The following SPOCK1 variants were observed in gnomAD, a reference collection of about 807,000 sequenced individuals.
The protein encoded by SPOCK1 is SPARC (osteonectin), cwcv and kazal like domains proteoglycan 1.
Under a neutral mutation model 55.3 loss-of-function variants are expected in SPOCK1, and 23 were observed. That is an observed-to-expected ratio of 0.42 (90% CI 0.30 to 0.59). SPOCK1 has a LOEUF of 0.59. Ranked by LOEUF, SPOCK1 falls within the 20% of genes least tolerant of loss-of-function variation. The pLI is 0.22. For missense variants in SPOCK1, 499 were observed against 552.5 expected, an observed-to-expected ratio of 0.90 and a Z score of 0.97; for synonymous variants, 226 against 221.0, an observed-to-expected ratio of 1.02 and a Z score of -0.20.
At chr5:137,062,353 G>C (rs1202858931) in intron 6 of SPOCK1, among the ~76,000 whole-genome samples, 1 of 152,002 alleles carries the variant, frequency 6.6e-6, no homozygotes, top group Non-Finnish European at 1.5e-5. Flanking sequence ...GAATGGGGCT[G>C]CTATGCTCAG....
In SPOCK1 at chr5:137,413,804, C is replaced by A. The variant is rs148319122; in HGVS notation, c.186+84569G>T. ...TTTATCTCACATAATCAAGAAGTAC[C>A]AAACTGTTCATAATGAGCCCCTACC... On this transcript the variant is annotated intron_variant, in intron 2 of 10. Transcript: ENST00000394945. 2.0e-4 allele frequency among the ~76,000 whole-genome samples: 31 copies of A among 152,264 alleles called. No homozygotes were observed. In the East Asian group the frequency reaches 5.6e-3, roughly 27 times the overall value.
intron 3 of SPOCK1, among the ~76,000 whole-genome samples, chr5:137,225,114 A>G (rs1755920913): frequency 6.6e-6 from 1 of 152,038 alleles, no homozygotes; most frequent in African/African-American, 2.4e-5. Flanking sequence ...CAAGAGCCGC[A>G]CACAGGAAAC....
intron 3 of SPOCK1, among the ~76,000 whole-genome samples, chr5:137,193,400 A>T (rs1755227771): frequency 6.6e-6 from 1 of 152,204 alleles, no homozygotes; most frequent in Non-Finnish European, 1.5e-5. Flanking sequence ...TTTGATGTCC[A>T]GTTTTCTAGC....
chr5:137,321,817 G>A (rs1757987015), intron 2 of SPOCK1, among the ~76,000 whole-genome samples: 1 of 152,056 alleles, frequency 6.6e-6, no homozygotes, highest in African/African-American at 2.4e-5. Context: ...GGCAGAGGTT[G>A]CAGTGAGCCA....
intron 2 of SPOCK1, among the ~76,000 whole-genome samples, chr5:137,282,683 T>C (rs1430881006): frequency 1.3e-5 from 2 of 152,210 alleles, no homozygotes; most frequent in Non-Finnish European, 2.9e-5. Flanking sequence ...CTCTCCAACA[T>C]CATTTGGGCC....
chr5:137,016,880 A>C (rs569803088), intron 6 of SPOCK1, among the ~76,000 whole-genome samples: 1 of 152,342 alleles, frequency 6.6e-6, no homozygotes, highest in African/African-American at 2.4e-5. Context: ...AAGAAGTGGA[A>C]CCTAGTGGGG....
At chr5:137,468,914 C>G (rs983598826) in intron 2 of SPOCK1, among the ~76,000 whole-genome samples, 1 of 152,162 alleles carries the variant, frequency 6.6e-6, no homozygotes, top group African/African-American at 2.4e-5. Context: ...CCTCACCCAC[C>G]TCATCACAAT....
At chr5:136,987,908 G>A (rs562846876) in intron 8 of SPOCK1, among the ~76,000 whole-genome samples, 2 of 152,066 alleles carry the variant, frequency 1.3e-5, no homozygotes, top group Non-Finnish European at 2.9e-5. Flanking sequence ...AAATATCCTG[G>A]TATCTTTTCT....
chr5:137,259,178 A>G (rs1193935292), intron 3 of SPOCK1, among the ~76,000 whole-genome samples: 2 of 152,214 alleles, frequency 1.3e-5, no homozygotes, highest in Non-Finnish European at 2.9e-5. Flanking sequence ...TACTATAAAG[A>G]CACATGCAAA....
chr5:137,268,323 C>T (rs1192034381), intron 2 of SPOCK1, among the ~76,000 whole-genome samples: 1 of 152,150 alleles, frequency 6.6e-6, no homozygotes, highest in Non-Finnish European at 1.5e-5. Flanking sequence ...CCAGAGGATT[C>T]AGCACTAAAT....
chr5:137,386,455 T>C (rs1024639459), intron 2 of SPOCK1, among the ~76,000 whole-genome samples: 2 of 152,200 alleles, frequency 1.3e-5, no homozygotes, highest in African/African-American at 4.8e-5. Context: ...TTACTCAACT[T>C]TGAGACTTAT....
At chr5:137,004,718 T>C (rs1030959715) in intron 6 of SPOCK1, among the ~76,000 whole-genome samples, 6 of 152,102 alleles carry the variant, frequency 3.9e-5, no homozygotes, top group African/African-American at 1.4e-4. Context: ...CTAAATTTTA[T>C]TTTCAGTAAA....
At chr5:137,007,701 T>A (rs1751276893) in intron 6 of SPOCK1, among the ~76,000 whole-genome samples, 1 of 152,162 alleles carries the variant, frequency 6.6e-6, no homozygotes, top group South Asian at 2.1e-4. Flanking sequence ...GGAGTGTAAA[T>A]TAATTCAATG....
intron 2 of SPOCK1, among the ~76,000 whole-genome samples, chr5:137,478,280 A>G (rs1753878246): frequency 6.6e-6 from 1 of 152,174 alleles, no homozygotes; most frequent in Admixed American, 6.5e-5. Context: ...TTATTGCTAG[A>G]GCAAAGATTA....
intron 2 of SPOCK1, among the ~76,000 whole-genome samples, chr5:137,277,524 G>A (rs577612346): frequency 6.6e-6 from 1 of 152,202 alleles, no homozygotes; most frequent in East Asian, 1.9e-4. Flanking sequence ...AGAAGGCATG[G>A]GGCTGCCTGC....
intron 2 of SPOCK1, among the ~76,000 whole-genome samples, chr5:137,301,542 A>C (rs1458533725): frequency 6.6e-6 from 1 of 151,856 alleles, no homozygotes; most frequent in Non-Finnish European, 1.5e-5. Context: ...TCAATACTAA[A>C]GCAGTATCTT....
chr5:137,122,745 G>A (rs756716453), intron 4 of SPOCK1, among the ~76,000 whole-genome samples: 1 of 152,232 alleles, frequency 6.6e-6, no homozygotes. Flanking sequence ...CCAGCTAATT[G>A]TAGGCTCAGG....
rs1561621210 is a variant in SPOCK1 at position 137,132,016 on chromosome 5, AT to A, written c.347+8563del. Among the ~76,000 whole-genome samples, 21 of 93,518 alleles carry A rather than the reference AT, an allele frequency of 2.2e-4. 1 individual carries two copies. In the East Asian group the frequency reaches 3.5e-3, roughly 15 times the overall value. The allele number at this position is 93,518 out of a possible 152,430, so 61.4% of individuals were successfully genotyped here. A position where few individuals can be genotyped will look rare whatever the true frequency, so the allele number is the denominator to read the frequency against. On this transcript the variant is annotated intron_variant, in intron 4 of 10. Coordinates refer to ENST00000394945, the MANE Select transcript of SPOCK1 (RefSeq NM_004598.4). The stretch of plus-strand genomic sequence containing the variant: ...TATATATATATATATATATATATAT[AT>A]ATAAAAAATTAGCTGGGCATGGTGG...
At chr5:137,376,678 C>T (rs1181997792) in intron 2 of SPOCK1, among the ~76,000 whole-genome samples, 1 of 152,162 alleles carries the variant, frequency 6.6e-6, no homozygotes, top group Non-Finnish European at 1.5e-5. Context: ...GGAAAAGTAA[C>T]TCCTGGACTT....
Sources: allele counts gnomAD v4.1 joint callset (sites outside exome capture counted in the v4.1 genomes callset), GRCh38; gene constraint gnomAD v4.1.1; transcripts MANE v1.5; gene names NCBI Gene and HGNC (gene_info 2026-07-23, HGNC 2026-07-21).